The following CDH12 variants were observed in gnomAD, a reference collection of about 807,000 sequenced individuals.
CDH12 encodes the protein cadherin-12.
Under a neutral mutation model 74.1 loss-of-function variants are expected in CDH12, and 41 were observed. The ratio of observed to expected loss-of-function variants is 0.55; its 90% CI spans 0.43 to 0.72. The LOEUF (loss-of-function observed/expected upper bound fraction) is 0.72, where lower values mean the gene tolerates loss of function less well. CDH12 is among the 30% of genes least tolerant of loss of function. The pLI, the probability that CDH12 is intolerant of heterozygous loss-of-function variation, is 0.00. For synonymous variants in CDH12, 399 were observed against 355.0 expected, an observed-to-expected ratio of 1.12 and a Z score of -1.39; for missense variants, 945 against 977.2, an observed-to-expected ratio of 0.97 and a Z score of 0.44.
chr5:22,523,146 T>G (rs957109888), intron 1 of CDH12, among the ~76,000 whole-genome samples: 3 of 152,204 alleles, frequency 2.0e-5, no homozygotes, highest in Non-Finnish European at 4.4e-5. Flanking sequence ...TGAAAACTCT[T>G]TCTTAGCTTT....
intron 6 of CDH12, among the ~76,000 whole-genome samples, chr5:21,952,911 T>C (rs552386072): frequency 6.6e-6 from 1 of 151,986 alleles, no homozygotes; most frequent in East Asian, 1.9e-4. Context: ...CAGCAGACCC[T>C]GAAGGATATA....
At chr5:21,859,496 A>G (rs554382492) in intron 6 of CDH12, among the ~76,000 whole-genome samples, 1 of 152,016 alleles carries the variant, frequency 6.6e-6, no homozygotes, top group East Asian at 1.9e-4. Flanking sequence ...ATATGCTCTG[A>G]ATCAGTGTCC....
intron 3 of CDH12, among the ~76,000 whole-genome samples, chr5:22,229,926 C>CT (rs1170205522): frequency 6.6e-6 from 1 of 151,976 alleles, no homozygotes; most frequent in East Asian, 1.9e-4. Flanking sequence ...GTACTTGTTA[C>CT]TTTTTTTATC....
intron 3 of CDH12, among the ~76,000 whole-genome samples, chr5:22,384,234 G>T (rs1201501311): frequency 6.6e-6 from 1 of 152,022 alleles, no homozygotes; most frequent in East Asian, 1.9e-4. Flanking sequence ...CATAAGAAAA[G>T]AAAATGTTGG....
chr5:22,420,983 C>G (rs1171356566), intron 2 of CDH12, among the ~76,000 whole-genome samples: 1 of 152,026 alleles, frequency 6.6e-6, no homozygotes, highest in Non-Finnish European at 1.5e-5. Context: ...TGATTTGGCT[C>G]TCTGCTTGTC....
intron 2 of CDH12, among the ~76,000 whole-genome samples, chr5:22,419,445 G>A (rs994904994): frequency 2.6e-5 from 4 of 152,056 alleles, no homozygotes; most frequent in African/African-American, 9.7e-5. Flanking sequence ...GAGGGTAATG[G>A]CTTCTACCTC....
intron 1 of CDH12, among the ~76,000 whole-genome samples, chr5:22,698,997 A>G (rs1270395557): frequency 1.3e-5 from 2 of 151,888 alleles, no homozygotes; most frequent in African/African-American, 4.8e-5. Flanking sequence ...AACAGAATGC[A>G]TAAGAATTTA....
chr5:22,298,889 T>G (rs1042437621), intron 3 of CDH12, among the ~76,000 whole-genome samples: 1 of 152,234 alleles, frequency 6.6e-6, no homozygotes, highest in Non-Finnish European at 1.5e-5. Flanking sequence ...TGACTCCATA[T>G]AATTTACTTT....
chr5:22,343,213 A>C (rs1463999631), intron 3 of CDH12, among the ~76,000 whole-genome samples: 1 of 151,672 alleles, frequency 6.6e-6, no homozygotes, highest in Non-Finnish European at 1.5e-5. Flanking sequence ...ATATACTCCC[A>C]ATCTTCCATC....
At chr5:22,523,958 T>C (rs1737158018) in intron 1 of CDH12, among the ~76,000 whole-genome samples, 1 of 151,346 alleles carries the variant, frequency 6.6e-6, no homozygotes, top group Non-Finnish European at 1.5e-5. Flanking sequence ...AAATCTTCTA[T>C]GCTTCATTCA....
intron 3 of CDH12, among the ~76,000 whole-genome samples, chr5:22,250,879 A>G (rs1580448189): frequency 6.6e-6 from 1 of 152,200 alleles, no homozygotes; most frequent in African/African-American, 2.4e-5. Context: ...GACAGTGAAT[A>G]TAGGAAAAAG....
chr5:21,768,247 G>A (rs10036887), intron 11 of CDH12, among the ~76,000 whole-genome samples: 2,308 of 151,726 alleles, frequency 0.015, 59 homozygotes, highest in African/African-American at 0.052. Flanking sequence ...ACTAATTTGA[G>A]GCTCATATCA....
intron 3 of CDH12, among the ~76,000 whole-genome samples, chr5:22,217,480 T>G (rs964161427): frequency 2.0e-5 from 3 of 151,622 alleles, no homozygotes; most frequent in African/African-American, 7.2e-5. Context: ...AAAAGCAGAG[T>G]GCATAATTAA....
intron 2 of CDH12, among the ~76,000 whole-genome samples, chr5:22,497,010 T>C (rs775131728): frequency 2.6e-5 from 4 of 152,168 alleles, no homozygotes; most frequent in Non-Finnish European, 4.4e-5. Flanking sequence ...TTGGAAAATA[T>C]TACCTTAGAC....
At chr5:22,709,999 A>G (rs937817956) in intron 1 of CDH12, among the ~76,000 whole-genome samples, 1 of 152,186 alleles carries the variant, frequency 6.6e-6, no homozygotes, top group African/African-American at 2.4e-5. Context: ...GTCATAGCCT[A>G]GCAAAGAAAA....
chr5:22,019,774 G>T (rs554236856), intron 5 of CDH12, among the ~76,000 whole-genome samples: 1 of 152,284 alleles, frequency 6.6e-6, no homozygotes, highest in East Asian at 1.9e-4. Context: ...TACATAATGG[G>T]CTGGATGCTG....
chr5:21,973,172 A>C (rs1265456605), intron 6 of CDH12, among the ~76,000 whole-genome samples: 2 of 151,892 alleles, frequency 1.3e-5, no homozygotes, highest in Non-Finnish European at 2.9e-5. Context: ...GGGCCATTGC[A>C]CTCCAGCCAG....
intron 1 of CDH12, among the ~76,000 whole-genome samples, chr5:22,529,184 T>TACAC: frequency 2.4e-5 from 2 of 83,640 alleles, no homozygotes; most frequent in South Asian, 9.0e-4. Flanking sequence ...TATATATATA[T>TACAC]ATATAGAGAG....
intron 13 of CDH12, among the ~76,000 whole-genome samples, chr5:21,758,282 T>G (rs1744513770): frequency 6.6e-6 from 1 of 152,182 alleles, no homozygotes; most frequent in Non-Finnish European, 1.5e-5. Context: ...GGACTGCTGT[T>G]TGTCTTATGG....
Sources: allele counts gnomAD v4.1 joint callset (sites outside exome capture counted in the v4.1 genomes callset), GRCh38; gene constraint gnomAD v4.1.1; transcripts MANE v1.5; gene names NCBI Gene and HGNC (gene_info 2026-07-23, HGNC 2026-07-21).